The following PRORP variants were observed in gnomAD, a reference collection of about 807,000 sequenced individuals.
PRORP encodes protein only RNase P catalytic subunit.
In PRORP, 51 loss-of-function variants were observed where a neutral mutation model predicts 59.4. That is an observed-to-expected ratio of 0.86 (90% CI 0.69 to 1.08). The LOEUF is 1.08. Among genes scored for constraint, PRORP ranks in the 50% least tolerant of loss-of-function variants. The pLI, the probability that PRORP is intolerant of heterozygous loss-of-function variation, is 0.00. For missense variants in PRORP, 646 were observed against 690.3 expected (o/e 0.94, Z 0.72); for synonymous variants, 231 against 245.6 (o/e 0.94, Z 0.55).
intron 5 of PRORP, among the ~76,000 whole-genome samples, chr14:35,223,783 T>G (rs2049860369): frequency 6.6e-6 from 1 of 152,172 alleles, no homozygotes; most frequent in Non-Finnish European, 1.5e-5. Context: ...TAAGTGTACA[T>G]TGTTCAGATT....
intron 5 of PRORP, among the ~76,000 whole-genome samples, chr14:35,228,751 A>T (rs1372618292): frequency 6.6e-6 from 1 of 152,244 alleles, no homozygotes; most frequent in Non-Finnish European, 1.5e-5. Context: ...TATTGTGAAT[A>T]ATGTTGCGAT....
chr14:35,267,366 T>C (rs1427295954), intron 6 of PRORP, among the ~76,000 whole-genome samples: 2 of 152,092 alleles, frequency 1.3e-5, no homozygotes, highest in Non-Finnish European at 2.9e-5. Flanking sequence ...AGGTAAGGGA[T>C]AGGTCAGAGG....
intron 5 of PRORP, among the ~76,000 whole-genome samples, chr14:35,263,325 A>G (rs139760920): frequency 2.0e-5 from 3 of 152,340 alleles, no homozygotes; most frequent in Non-Finnish European, 2.9e-5. Context: ...ACGAAAAAAT[A>G]TATTTATGAC....
At chr14:35,153,733 TG>T (rs1284316446) in intron 4 of PRORP, among the ~76,000 whole-genome samples, 1 of 152,224 alleles carries the variant, frequency 6.6e-6, no homozygotes, top group Non-Finnish European at 1.5e-5. Flanking sequence ...TAAAATTGGT[TG>T]TTTAAAGGAA....
intron 6 of PRORP, among the ~76,000 whole-genome samples, chr14:35,269,632 T>C (rs547042019): frequency 1.3e-5 from 2 of 152,364 alleles, no homozygotes; most frequent in Admixed American, 1.3e-4. Flanking sequence ...GAATACATTT[T>C]TTCTTTTTCT....
At chr14:35,162,431 AT>A (rs2048083431) in intron 4 of PRORP, among the ~76,000 whole-genome samples, 1 of 152,074 alleles carries the variant, frequency 6.6e-6, no homozygotes, top group Middle Eastern at 3.2e-3. Flanking sequence ...TATAGGATTA[AT>A]TTACAATTTT....
intron 5 of PRORP, among the ~76,000 whole-genome samples, chr14:35,227,490 G>A (rs1056964282): frequency 6.6e-6 from 1 of 151,812 alleles, no homozygotes; most frequent in Non-Finnish European, 1.5e-5. Flanking sequence ...TTGGCATAAT[G>A]TCCCCTTAGA....
At chr14:35,213,078 G>A (rs1174997425) in intron 5 of PRORP, among the ~76,000 whole-genome samples, 1 of 152,100 alleles carries the variant, frequency 6.6e-6, no homozygotes, top group Non-Finnish European at 1.5e-5. Flanking sequence ...CTTTTCTTCT[G>A]CAGCTTTCTT....
chr14:35,206,448 T>C (rs934262622), intron 5 of PRORP, among the ~76,000 whole-genome samples: 35 of 152,210 alleles, frequency 2.3e-4, no homozygotes, highest in Admixed American at 1.8e-3. Flanking sequence ...GTTCACTGTT[T>C]ACTGGCTGGG....
chr14:35,218,057 G>A (rs1475193582), intron 5 of PRORP, among the ~76,000 whole-genome samples: 1 of 151,994 alleles, frequency 6.6e-6, no homozygotes, highest in Non-Finnish European at 1.5e-5. Context: ...TAAATAATGG[G>A]GCTAACTTTT....
chr14:35,152,020 G>A (rs1214098589), intron 4 of PRORP, among the ~76,000 whole-genome samples: 8 of 151,282 alleles, frequency 5.3e-5, no homozygotes, highest in Non-Finnish European at 8.8e-5. Flanking sequence ...GTGGAGGGAA[G>A]GTCAGCAGAT....
Position 35,203,640 on chromosome 14 carries a change from G to A in PRORP, c.1275+22863G>A, listed in dbSNP as rs1323942951. On this transcript the variant is annotated intron_variant, in intron 5 of 7. Coordinates refer to ENST00000534898, the MANE Select transcript of PRORP (RefSeq NM_014672.4). ...AGCACTTTGGGAGGCCGAGGCGGGC[G>A]GATCACAAGGTCAGGAGATCGAGAC... Among the ~76,000 whole-genome samples the A allele has an allele frequency of 5.9e-5, 9 of 152,232 alleles. No homozygotes were observed. In the South Asian group the frequency reaches 1.9e-3, roughly 32 times the overall value.
intron 5 of PRORP, among the ~76,000 whole-genome samples, chr14:35,186,540 A>G (rs1410314515): frequency 6.6e-6 from 1 of 150,810 alleles, no homozygotes. Context: ...TCTTCCTCCC[A>G]TTGGTCCCTG....
intron 2 of PRORP, 54 bp downstream of exon 2, chr14:35,124,285 T>C: frequency 8.3e-7 from 1 of 1,199,208 alleles, no homozygotes; most frequent in Non-Finnish European, 1.1e-6. Context: ...TTTTTTTTTT[T>C]GAGACAGGGT....
intron 4 of PRORP, among the ~76,000 whole-genome samples, chr14:35,138,520 A>C (rs570417340): frequency 1.4e-5 from 2 of 145,446 alleles, no homozygotes; most frequent in Non-Finnish European, 3.1e-5. Flanking sequence ...TGAGGTATAA[A>C]CCAAGGAATA....
intron 5 of PRORP, among the ~76,000 whole-genome samples, chr14:35,183,660 T>G (rs1210512037): frequency 2.6e-5 from 4 of 152,184 alleles, no homozygotes; most frequent in Non-Finnish European, 5.9e-5. Context: ...ATTGCCAAAT[T>G]GCTTTCCAAA....
At chr14:35,142,447 G>C (rs2047503836) in intron 4 of PRORP, among the ~76,000 whole-genome samples, 1 of 139,792 alleles carries the variant, frequency 7.2e-6, no homozygotes, top group Non-Finnish European at 1.6e-5. Flanking sequence ...TCCTGGGCTG[G>C]AGCAATCCTC....
chr14:35,180,109 G>A (rs1318224892), intron 4 of PRORP, among the ~76,000 whole-genome samples: 1 of 152,162 alleles, frequency 6.6e-6, no homozygotes, highest in Non-Finnish European at 1.5e-5. Context: ...CGTCTCAGGG[G>A]TACCCGGCCG....
chr14:35,187,846 T>C (rs973081956), intron 5 of PRORP, among the ~76,000 whole-genome samples: 1 of 148,426 alleles, frequency 6.7e-6, no homozygotes, highest in Admixed American at 6.7e-5. Flanking sequence ...TATTTTCTTT[T>C]CTTTTTTTTT....
Sources: gnomAD v4.1 joint callset for allele counts (sites outside exome capture counted in the v4.1 genomes callset) on GRCh38, gnomAD v4.1.1 for gene constraint, MANE v1.5 for transcripts, NCBI Gene and HGNC (gene_info 2026-07-23, HGNC 2026-07-21) for gene names.